The following VTA1 variants were observed in gnomAD, a reference collection of about 807,000 sequenced individuals.
VTA1 encodes vacuolar protein sorting-associated protein VTA1 homolog.
VTA1 carries 24 observed loss-of-function variants against 36.9 expected under a neutral mutation model. The ratio of observed to expected loss-of-function variants is 0.65; its 90% CI spans 0.47 to 0.91. The LOEUF (loss-of-function observed/expected upper bound fraction) is 0.91. Ranked by LOEUF, VTA1 falls within the 40% of genes least tolerant of loss-of-function variation. VTA1 has a pLI of 0.00. For synonymous variants in VTA1, 142 were observed against 130.2 expected (o/e 1.09, Z -0.62); for missense variants, 393 against 377.2 (o/e 1.04, Z -0.35).
At chr6:142,198,742 ACC>A in intron 6 of VTA1, 127 bp downstream of exon 6, 1 of 838,296 alleles carries the variant, frequency 1.2e-6, no homozygotes, top group Non-Finnish European at 1.7e-6. Context: ...TTCCATTTGA[ACC>A]CACAAGAAAC....
intron 1 of VTA1, 128 bp downstream of exon 1, chr6:142,147,527 C>T: frequency 2.1e-6 from 2 of 931,684 alleles, no homozygotes; most frequent in Non-Finnish European, 3.3e-6. Flanking sequence ...CTCGAGCCTA[C>T]CCAGGGAACT....
chr6:142,214,017 A>G (rs1206027151), intron 7 of VTA1, among the ~76,000 whole-genome samples: 1 of 152,100 alleles, frequency 6.6e-6, no homozygotes, highest in African/African-American at 2.4e-5. Flanking sequence ...TTTGTACCAC[A>G]TGATCAGGCT....
intron 6 of VTA1, among the ~76,000 whole-genome samples, chr6:142,198,932 C>G: frequency 6.6e-6 from 1 of 152,078 alleles, no homozygotes; most frequent in African/African-American, 2.4e-5. Flanking sequence ...TTTCCCCTCA[C>G]TGTTGTTTTA....
At chr6:142,170,458 A>G (rs377507254) in intron 4 of VTA1, 37 bp downstream of exon 4, 8 of 1,336,846 alleles carry the variant, frequency 6.0e-6, no homozygotes, top group Non-Finnish European at 8.3e-6. Context: ...TTAGCTGAAG[A>G]TCAGTAATGT....
chr6:142,182,904 A>G (rs1775269579), intron 4 of VTA1, among the ~76,000 whole-genome samples: 1 of 152,202 alleles, frequency 6.6e-6, no homozygotes, highest in Non-Finnish European at 1.5e-5. Context: ...GAAAGAAGAG[A>G]CAAGGAATCC....
intron 4 of VTA1, among the ~76,000 whole-genome samples, chr6:142,186,385 A>G (rs1775340271): frequency 6.6e-6 from 1 of 152,172 alleles, no homozygotes; most frequent in Non-Finnish European, 1.5e-5. Flanking sequence ...GAATGGATTT[A>G]TATTTTAGAA....
At chr6:142,149,355 A>G (rs1778520910) in intron 1 of VTA1, among the ~76,000 whole-genome samples, 1 of 152,186 alleles carries the variant, frequency 6.6e-6, no homozygotes, top group Non-Finnish European at 1.5e-5. Context: ...ATGTGCAGAC[A>G]GTTTAAGGAA....
At chr6:142,181,094 A>AAAAAAAAATATAT (rs1471429927) in intron 4 of VTA1, among the ~76,000 whole-genome samples, 3 of 36,424 alleles carry the variant, frequency 8.2e-5, no homozygotes, top group African/African-American at 2.3e-4. Context: ...AAAAAAAAAA[A>AAAAAAAAATATAT]ATATATATAT....
At chr6:142,178,790 A>T (rs778177050) in intron 4 of VTA1, among the ~76,000 whole-genome samples, 1 of 152,108 alleles carries the variant, frequency 6.6e-6, no homozygotes, top group Non-Finnish European at 1.5e-5. Context: ...CCCAAATTTT[A>T]TAGTAGAGGT....
chr6:142,178,269 A>C (rs150729385), intron 4 of VTA1, among the ~76,000 whole-genome samples: 1 of 152,138 alleles, frequency 6.6e-6, no homozygotes, highest in African/African-American at 2.4e-5. Flanking sequence ...AGGCTGGAGG[A>C]TAATAAAATG....
In VTA1 at chr6:142,219,359, A is replaced by G. The variant is rs1218447983; in HGVS notation, c.*716A>G. The G allele has an allele frequency of 3.3e-5, 5 of 152,224 alleles. No individual in the cohort carries two copies. The highest frequency in any genetic ancestry group is 3.3e-4 in the Admixed American group (5 of 15,272). The allele number at this position is 152,224 out of a possible 1,614,324, so 9.4% of individuals were successfully genotyped here. A position where few individuals can be genotyped will look rare whatever the true frequency, so the allele number is the denominator to read the frequency against. The stretch of plus-strand genomic sequence containing the variant: ...CATAGGCAGTTTGACTGCATGTATT[A>G]GAGAATGAAAAGAAGATATTTGTAG... On this transcript the variant is annotated 3_prime_UTR_variant, in exon 8 of 8. Transcript: ENST00000367630.
chr6:142,169,177 A>G (rs922205146), intron 2 of VTA1, among the ~76,000 whole-genome samples: 9 of 152,192 alleles, frequency 5.9e-5, no homozygotes, highest in African/African-American at 2.2e-4. Flanking sequence ...ATGCCTAGAA[A>G]TTATTTTCTA....
At chr6:142,148,745 A>T (rs1328696663) in intron 1 of VTA1, among the ~76,000 whole-genome samples, 2 of 152,192 alleles carry the variant, frequency 1.3e-5, no homozygotes, top group Non-Finnish European at 2.9e-5. Context: ...ATGGGATTTC[A>T]GTTTCATAGT....
At chr6:142,148,452 A>T (rs1408007853) in intron 1 of VTA1, among the ~76,000 whole-genome samples, 3 of 152,120 alleles carry the variant, frequency 2.0e-5, no homozygotes, top group Non-Finnish European at 4.4e-5. Context: ...GCATTACTTC[A>T]TTTTGTTCAA....
intron 5 of VTA1, among the ~76,000 whole-genome samples, chr6:142,190,639 G>A (rs1215401233): frequency 1.3e-5 from 2 of 152,134 alleles, no homozygotes. Context: ...AACGACCACT[G>A]TTCTTGGAAC....
At chr6:142,211,082 C>T (rs893767804) in intron 7 of VTA1, among the ~76,000 whole-genome samples, 7 of 151,942 alleles carry the variant, frequency 4.6e-5, no homozygotes, top group African/African-American at 7.2e-5. Context: ...AGACACATAT[C>T]GTATGTTCTC....
intron 4 of VTA1, among the ~76,000 whole-genome samples, chr6:142,181,897 G>A (rs1216327484): frequency 6.6e-6 from 1 of 152,136 alleles, no homozygotes; most frequent in South Asian, 2.1e-4. Flanking sequence ...TGAATATCAG[G>A]AAATACATGT....
At chr6:142,186,788 T>A (rs1473255755) in intron 4 of VTA1, among the ~76,000 whole-genome samples, 30 of 151,992 alleles carry the variant, frequency 2.0e-4, no homozygotes, top group Non-Finnish European at 4.4e-5. Context: ...AATTTATCAA[T>A]AGTATTTAAA....
chr6:142,209,431 G>A (rs1262214789), intron 7 of VTA1, among the ~76,000 whole-genome samples: 4 of 148,320 alleles, frequency 2.7e-5, no homozygotes, highest in Non-Finnish European at 4.5e-5. Context: ...AAATTCTGAT[G>A]AACATAATAC....
Sources: allele counts gnomAD v4.1 joint callset (sites outside exome capture counted in the v4.1 genomes callset), GRCh38; gene constraint gnomAD v4.1.1; transcripts MANE v1.5; gene names NCBI Gene and HGNC (gene_info 2026-07-23, HGNC 2026-07-21).